Variants in TGFBR3 observed in about 807,000 individuals in gnomAD.
The protein encoded by TGFBR3 is transforming growth factor beta receptor 3, also known as transforming growth factor beta receptor type 3.
Under a neutral mutation model 87.9 loss-of-function variants are expected in TGFBR3, and 46 were observed. That is an observed-to-expected ratio of 0.52 (90% CI 0.41 to 0.67). The LOEUF (loss-of-function observed/expected upper bound fraction) is 0.67, where lower values mean the gene tolerates loss of function less well. Ranked by LOEUF, TGFBR3 falls within the 30% of genes least tolerant of loss-of-function variation. The probability of loss-of-function intolerance (pLI) is 0.00; values close to 1 mark genes in which losing one functional copy is unlikely to be tolerated. For missense variants in TGFBR3, 866 were observed against 1,041.9 expected (o/e 0.83, Z 2.32); for synonymous variants, 381 against 391.6 (o/e 0.97, Z 0.32).
At chr1:91,725,683 A>G (rs1672525482) in intron 7 of TGFBR3, among the ~76,000 whole-genome samples, 2 of 152,186 alleles carry the variant, frequency 1.3e-5, no homozygotes, top group African/African-American at 4.8e-5. Flanking sequence ...CTATCATCAT[A>G]CCCATTTCAC....
At chr1:91,900,301 A>T (rs1482984999) in intron 1 of TGFBR3, among the ~76,000 whole-genome samples, 3 of 152,086 alleles carry the variant, frequency 2.0e-5, no homozygotes, top group African/African-American at 7.2e-5. Context: ...TTTAGCAGAG[A>T]CAGGGTTTCA....
At chr1:91,723,811 G>C (rs915128022) in intron 7 of TGFBR3, among the ~76,000 whole-genome samples, 2 of 152,112 alleles carry the variant, frequency 1.3e-5, no homozygotes, top group African/African-American at 2.4e-5. Context: ...TAATTTCCAT[G>C]CCCAGTGATT....
chr1:91,817,439 TAAAG>T (rs1024118389), intron 2 of TGFBR3, among the ~76,000 whole-genome samples: 15 of 152,048 alleles, frequency 9.9e-5, no homozygotes, highest in African/African-American at 3.1e-4. Context: ...AAAGAAAAAA[TAAAG>T]AACACTATGA....
At chr1:91,747,768 T>G (rs1004352619) in intron 4 of TGFBR3, among the ~76,000 whole-genome samples, 3 of 152,214 alleles carry the variant, frequency 2.0e-5, no homozygotes, top group African/African-American at 4.8e-5. Flanking sequence ...GTGGGCCTGA[T>G]TCAATCCATT....
upstream of TGFBR3, among the ~76,000 whole-genome samples, chr1:91,888,599 G>A (rs1679383261): frequency 1.3e-5 from 2 of 152,166 alleles, no homozygotes; most frequent in Admixed American, 6.5e-5. Flanking sequence ...CTACTTGGGA[G>A]GCTGAGGCAA....
In TGFBR3 at chr1:91,872,895, G is replaced by A. The variant is rs570978941; in HGVS notation, c.-113-11251C>T. ...AACGAGGTCAGTGTTCTAGTCCAAC[G>A]AGTCTTAAATGAGGCTTTTTAAAAA... is the stretch of plus-strand genomic sequence containing the variant. On this transcript the variant is annotated intron_variant, in intron 1 of 16. Transcript: ENST00000212355. 4.6e-5 allele frequency among the ~76,000 whole-genome samples: 7 copies of A among 151,776 alleles called. No individual in the cohort carries two copies. The South Asian group carries it at 8.4e-4, about 18-fold the overall frequency.
chr1:91,725,038 A>AT (rs975572764), intron 7 of TGFBR3, among the ~76,000 whole-genome samples: 33 of 152,028 alleles, frequency 2.2e-4, no homozygotes, highest in Admixed American at 6.6e-4. Flanking sequence ...TCCTCCATCT[A>AT]TTTTTTTATG....
intron 3 of TGFBR3, among the ~76,000 whole-genome samples, chr1:91,781,290 G>T (rs1048582834): frequency 3.9e-5 from 6 of 152,100 alleles, no homozygotes; most frequent in Non-Finnish European, 1.5e-5. Flanking sequence ...GCTCTTGTGT[G>T]GCCTCACTCA....
intron 3 of TGFBR3, among the ~76,000 whole-genome samples, chr1:91,774,139 T>C (rs1161967192): frequency 1.4e-5 from 2 of 146,520 alleles, no homozygotes; most frequent in African/African-American, 5.1e-5. Flanking sequence ...TTCTTTTAGA[T>C]ATACTTTTCT....
At chr1:91,843,738 G>A (rs1677375927) in intron 2 of TGFBR3, among the ~76,000 whole-genome samples, 2 of 152,164 alleles carry the variant, frequency 1.3e-5, no homozygotes, top group South Asian at 4.1e-4. Flanking sequence ...CTGAACCTGT[G>A]TGCCTGAATC....
chr1:91,863,589 G>GT lies in TGFBR3; in HGVS notation c.-113-1946dup, dbSNP rs532006735. Among the ~76,000 whole-genome samples the GT allele has an allele frequency of 1.0e-3, 153 of 152,330 alleles. 1 individual carries two copies. The highest frequency in any genetic ancestry group is 3.5e-3 in the African/African-American group (146 of 41,580). On this transcript the variant is annotated intron_variant, in intron 1 of 16. Coordinates refer to ENST00000212355, the MANE Select transcript of TGFBR3 (RefSeq NM_003243.5). ...TCTTTGAGCTATTTATACCAATAAA[G>GT]TGGAGAAATTAAGATATAGCTATTT... is the stretch of plus-strand genomic sequence containing the variant.
At chr1:91,876,702 T>C (rs990845094) in intron 1 of TGFBR3, among the ~76,000 whole-genome samples, 1 of 152,178 alleles carries the variant, frequency 6.6e-6, no homozygotes, top group Non-Finnish European at 1.5e-5. Context: ...AACCCTTTCA[T>C]GTCAGCAAAA....
chr1:91,802,107 AAAAC>A (rs1675652167), intron 2 of TGFBR3, among the ~76,000 whole-genome samples: 1 of 152,160 alleles, frequency 6.6e-6, no homozygotes, highest in East Asian at 1.9e-4. Flanking sequence ...CTTTGGGTAA[AAAAC>A]AAGCCTCTCT....
intron 2 of TGFBR3, among the ~76,000 whole-genome samples, chr1:91,807,772 C>T (rs1675888448): frequency 6.6e-6 from 1 of 152,170 alleles, no homozygotes; most frequent in Admixed American, 6.5e-5. Context: ...GAAGTCACCA[C>T]TGGACATAGC....
chr1:91,794,193 C>T (rs1675291358), intron 3 of TGFBR3, among the ~76,000 whole-genome samples: 2 of 124,668 alleles, frequency 1.6e-5, no homozygotes, highest in Admixed American at 1.7e-4. Flanking sequence ...ACATTTTTGT[C>T]ATCTCCTCCA....
At chr1:91,721,649 T>C (rs184342355) in intron 8 of TGFBR3, among the ~76,000 whole-genome samples, 2 of 152,280 alleles carry the variant, frequency 1.3e-5, no homozygotes, top group East Asian at 3.9e-4. Context: ...GTCTTAACTC[T>C]TCTGTATTCT....
chr1:91,827,168 C>T (rs977001420), intron 2 of TGFBR3, among the ~76,000 whole-genome samples: 13 of 152,140 alleles, frequency 8.5e-5, no homozygotes, highest in South Asian at 8.3e-4. Context: ...GGGGTGGGGA[C>T]GCCGTAGGTG....
chr1:91,811,059 C>T (rs1448227653), intron 2 of TGFBR3, among the ~76,000 whole-genome samples: 4 of 152,120 alleles, frequency 2.6e-5, no homozygotes, highest in Non-Finnish European at 5.9e-5. Context: ...ACCTGTAATC[C>T]CAGCACTTTG....
chr1:91,822,206 C>G (rs1405842707), intron 2 of TGFBR3, among the ~76,000 whole-genome samples: 1 of 149,218 alleles, frequency 6.7e-6, no homozygotes, highest in Non-Finnish European at 1.5e-5. Flanking sequence ...GATAGACAAA[C>G]CGCCACATTT....
Sources: gnomAD v4.1 joint callset for allele counts (sites outside exome capture counted in the v4.1 genomes callset) on GRCh38, gnomAD v4.1.1 for gene constraint, MANE v1.5 for transcripts, NCBI Gene and HGNC (gene_info 2026-07-23, HGNC 2026-07-21) for gene names.